The following PTPRD variants were observed in gnomAD, a reference collection of about 807,000 sequenced individuals.
PTPRD encodes the protein protein tyrosine phosphatase receptor type D.
A neutral mutation model predicts 214.5 loss-of-function variants in PTPRD; 34 were observed. The observed-to-expected ratio is 0.16, with a 90% CI of 0.12 to 0.21. The LOEUF is 0.21. PTPRD is among the 10% of genes least tolerant of loss of function. PTPRD has a pLI of 1.00. For missense variants in PTPRD, 2,545 were observed against 2,398.7 expected (o/e 1.06, Z -1.27); for synonymous variants, 1,128 against 845.7 (o/e 1.33, Z -5.79).
intron 5 of PTPRD, among the ~76,000 whole-genome samples, chr9:9,887,987 A>T (rs2071617841): frequency 1.3e-5 from 2 of 152,168 alleles, no homozygotes; most frequent in Non-Finnish European, 2.9e-5. Context: ...GCCGAAACAG[A>T]AAATGACACC....
intron 5 of PTPRD, among the ~76,000 whole-genome samples, chr9:9,815,198 G>A (rs1259815841): frequency 6.6e-6 from 1 of 152,104 alleles, no homozygotes; most frequent in Non-Finnish European, 1.5e-5. Context: ...CCATACTCAT[G>A]CGTACATACA....
chr9:10,208,117 T>C (rs294803), intron 3 of PTPRD, among the ~76,000 whole-genome samples: 21,741 of 152,218 alleles, frequency 0.14, 1,873 homozygotes, highest in East Asian at 0.42. Flanking sequence ...AAAACCTATG[T>C]AATGAGGACT....
At chr9:8,427,686 T>G (rs1014622969) in intron 35 of PTPRD, among the ~76,000 whole-genome samples, 2 of 150,154 alleles carry the variant, frequency 1.3e-5, no homozygotes, top group African/African-American at 2.5e-5. Flanking sequence ...TTATGATTAT[T>G]ATTATTATTT....
intron 14 of PTPRD, among the ~76,000 whole-genome samples, chr9:8,543,491 G>C (rs1256656890): frequency 2.6e-5 from 4 of 152,152 alleles, no homozygotes; most frequent in Admixed American, 2.6e-4. Context: ...AAGGAAGGAA[G>C]AATGTGTATT....
At chr9:8,748,718 C>G (rs1023459505) in intron 11 of PTPRD, among the ~76,000 whole-genome samples, 1 of 151,910 alleles carries the variant, frequency 6.6e-6, no homozygotes, top group Admixed American at 6.6e-5. Flanking sequence ...TCAAGACCAG[C>G]CTGACCAACA....
intron 2 of PTPRD, among the ~76,000 whole-genome samples, chr9:10,472,047 A>G (rs1333250923): frequency 1.3e-5 from 2 of 152,132 alleles, no homozygotes; most frequent in African/African-American, 4.8e-5. Flanking sequence ...ATATCACAAA[A>G]TGATAAAATT....
At chr9:9,881,130 A>T (rs908501107) in intron 5 of PTPRD, among the ~76,000 whole-genome samples, 11 of 152,124 alleles carry the variant, frequency 7.2e-5, no homozygotes, top group Non-Finnish European at 1.6e-4. Flanking sequence ...TCACTCAATA[A>T]TTTTTTTAAA....
intron 3 of PTPRD, among the ~76,000 whole-genome samples, chr9:10,180,616 A>AC (rs1215022162): frequency 2.0e-5 from 3 of 151,454 alleles, no homozygotes; most frequent in Admixed American, 6.6e-5. Context: ...AAAAAAAAAA[A>AC]AAAAAACTCA....
At chr9:9,776,220 C>T (rs1438444295) in intron 5 of PTPRD, among the ~76,000 whole-genome samples, 1 of 152,098 alleles carries the variant, frequency 6.6e-6, no homozygotes, top group Non-Finnish European at 1.5e-5. Flanking sequence ...ATTCCTTGTT[C>T]TTGGAATACC....
chr9:9,240,522 T>C (rs1457264929), intron 9 of PTPRD, among the ~76,000 whole-genome samples: 1 of 152,066 alleles, frequency 6.6e-6, no homozygotes, highest in East Asian at 1.9e-4. Context: ...AATACAAAAA[T>C]TAGCTGGGCA....
At chr9:8,909,786 T>C (rs955452311) in intron 11 of PTPRD, among the ~76,000 whole-genome samples, 3 of 138,162 alleles carry the variant, frequency 2.2e-5, no homozygotes, top group Admixed American at 1.6e-4. Flanking sequence ...GAGATAGAGA[T>C]AGAGATAGAC....
intron 2 of PTPRD, among the ~76,000 whole-genome samples, chr9:10,551,758 T>C (rs576048235): frequency 6.6e-6 from 1 of 152,164 alleles, no homozygotes; most frequent in Non-Finnish European, 1.5e-5. Flanking sequence ...CTTCCCACTA[T>C]TGCTTCCAGA....
intron 19 of PTPRD, among the ~76,000 whole-genome samples, chr9:8,522,483 T>C (rs13288779): frequency 0.15 from 22,845 of 152,112 alleles, 1,872 homozygotes; most frequent in South Asian, 0.2. Context: ...TCAATTCATA[T>C]CAAAGGTAAA....
chr9:9,236,688 C>T (rs2099966957), intron 9 of PTPRD, among the ~76,000 whole-genome samples: 1 of 151,308 alleles, frequency 6.6e-6, no homozygotes, highest in Non-Finnish European at 1.5e-5. Flanking sequence ...CTTCCATGAA[C>T]AGCCTTTGTT....
At chr9:9,493,621 T>C (rs1286651753) in intron 8 of PTPRD, among the ~76,000 whole-genome samples, 1 of 151,744 alleles carries the variant, frequency 6.6e-6, no homozygotes, top group Non-Finnish European at 1.5e-5. Flanking sequence ...ACCCTGTCTC[T>C]ACTAAACATA....
chr9:9,970,061 T>A (rs1291228079), intron 4 of PTPRD, among the ~76,000 whole-genome samples: 2 of 152,016 alleles, frequency 1.3e-5, no homozygotes, highest in Non-Finnish European at 2.9e-5. Context: ...GGCCTTAAGG[T>A]GAAAAGGAGA....
At chr9:9,396,876 C>T (rs1292312296) in intron 9 of PTPRD, among the ~76,000 whole-genome samples, 1 of 151,946 alleles carries the variant, frequency 6.6e-6, no homozygotes, top group East Asian at 1.9e-4. Context: ...TGAAAGCACA[C>T]AAATATGTTG....
intron 8 of PTPRD, among the ~76,000 whole-genome samples, chr9:9,441,845 T>A (rs2088010222): frequency 6.6e-6 from 1 of 152,352 alleles, no homozygotes. Flanking sequence ...GGACAATTGT[T>A]ATAAGTGATA....
intron 2 of PTPRD, among the ~76,000 whole-genome samples, chr9:10,465,184 A>C (rs1213448735): frequency 6.6e-6 from 1 of 152,192 alleles, no homozygotes; most frequent in African/African-American, 2.4e-5. Flanking sequence ...ATAATCAAAT[A>C]ATATTTATGT....
Sources: gnomAD v4.1 joint callset for allele counts (sites outside exome capture counted in the v4.1 genomes callset) on GRCh38, gnomAD v4.1.1 for gene constraint, MANE v1.5 for transcripts, NCBI Gene and HGNC (gene_info 2026-07-23, HGNC 2026-07-21) for gene names.